DOCK5: variants seen among roughly 807,000 people sequenced by gnomAD.
The protein encoded by DOCK5 is dedicator of cytokinesis protein 5.
Under a neutral mutation model 251.8 loss-of-function variants are expected in DOCK5, and 142 were observed. The observed-to-expected ratio is 0.56, with a 90% CI of 0.49 to 0.65. The LOEUF is 0.65. Ranked by LOEUF, DOCK5 falls within the 30% of genes least tolerant of loss-of-function variation. The probability of loss-of-function intolerance (pLI) is 0.00; values close to 1 mark genes in which losing one functional copy is unlikely to be tolerated. For synonymous variants in DOCK5, 842 were observed against 835.5 expected, an observed-to-expected ratio of 1.01 and a Z score of -0.13; for missense variants, 2,111 against 2,312.3, an observed-to-expected ratio of 0.91 and a Z score of 1.79.
At chr8:25,397,491 T>C (rs965377594) in intron 45 of DOCK5, among the ~76,000 whole-genome samples, 2 of 152,228 alleles carry the variant, frequency 1.3e-5, no homozygotes, top group African/African-American at 2.4e-5. Flanking sequence ...TCTGTAGCCT[T>C]ATTATACTCA....
intron 5 of DOCK5, among the ~76,000 whole-genome samples, chr8:25,282,574 C>G (rs1804223580): frequency 6.6e-6 from 1 of 152,076 alleles, no homozygotes; most frequent in African/African-American, 2.4e-5. Context: ...TTTAAAGACA[C>G]CTGTGGCCAG....
chr8:25,409,201 C>G (rs946310167), intron 50 of DOCK5, among the ~76,000 whole-genome samples: 4 of 152,186 alleles, frequency 2.6e-5, no homozygotes, highest in African/African-American at 4.8e-5. Flanking sequence ...CAGATCTGCA[C>G]TAGGACTAGA....
chr8:25,323,752 A>G, intron 16 of DOCK5, 96 bp from the exon 17 acceptor site: 1 of 1,345,496 alleles, frequency 7.4e-7, no homozygotes, highest in Non-Finnish European at 1.0e-6. Flanking sequence ...AATATGGTTG[A>G]ACGCTGCACC....
intron 1 of DOCK5, among the ~76,000 whole-genome samples, chr8:25,237,138 G>A (rs1802822311): frequency 6.6e-6 from 1 of 152,146 alleles, no homozygotes; most frequent in Admixed American, 6.5e-5. Context: ...AGGCCAAGGT[G>A]GGTGGATCAC....
intron 30 of DOCK5, 75 bp from the exon 31 acceptor site, chr8:25,366,795 G>C (rs939073670): frequency 9.1e-7 from 1 of 1,099,502 alleles, no homozygotes; most frequent in South Asian, 1.4e-5. Flanking sequence ...TTTTTACCAT[G>C]TGACATTGTT....
chr8:25,335,981 A>G (rs571101685), intron 21 of DOCK5, among the ~76,000 whole-genome samples: 3 of 152,346 alleles, frequency 2.0e-5, no homozygotes, highest in African/African-American at 7.2e-5. Flanking sequence ...TTCATTTCAT[A>G]ACCCTCCGGT....
At position 25,321,072 on chromosome 8, in the gene DOCK5, T is replaced by A; in HGVS notation, c.1615+20T>A. ...AGGAAAGTAAGTATTAAGACGTCTA[T>A]GACATATTTCCACTTAAAAAAAATT... On this transcript the variant is annotated intron_variant, in intron 16 of 51. Coordinates refer to ENST00000276440, the MANE Select transcript of DOCK5 (RefSeq NM_024940.8). 1 of 1,608,066 alleles carries A rather than the reference T, an allele frequency of 6.2e-7. No individual in the cohort carries two copies. The highest frequency in any genetic ancestry group is 8.5e-7 in the Non-Finnish European group (1 of 1,176,962).
chr8:25,295,906 A>T (rs1804604828), intron 6 of DOCK5, among the ~76,000 whole-genome samples: 1 of 152,034 alleles, frequency 6.6e-6, no homozygotes. Flanking sequence ...TGCAGCCTCA[A>T]CTTCCTGGGC....
At chr8:25,272,083 C>G (rs962386720) in intron 3 of DOCK5, among the ~76,000 whole-genome samples, 2 of 152,060 alleles carry the variant, frequency 1.3e-5, no homozygotes, top group Non-Finnish European at 2.9e-5. Flanking sequence ...GGCTGGAGTA[C>G]AGTGGCGTGA....
chr8:25,193,091 C>T (rs934968384), intron 1 of DOCK5, among the ~76,000 whole-genome samples: 1 of 152,126 alleles, frequency 6.6e-6, no homozygotes, highest in African/African-American at 2.4e-5. Flanking sequence ...TGTCCATTCT[C>T]ATTATTCATG....
chr8:25,372,629 A>G lies in DOCK5; in HGVS notation c.3595A>G (p.Ser1199Gly). The G allele has an allele frequency of 6.2e-7, 1 of 1,608,752 alleles. No individual in the cohort carries two copies. Among genetic ancestry groups the G allele is most frequent in the East Asian group, 2.2e-5 (1 of 44,680 alleles). The part of the protein sequence containing the change: ...SGEVFALLVS[S>G]LLENLLDYRT... ...GGAGGTCTTCGCCCTCCTGGTCAGC[A>G]GCCTCTTAGAGAACCTGCTGGACTA... The change falls in exon 35 of 52, where the codon AGC becomes GGC. Residue 1199 changes from serine (S) to glycine (G), a missense_variant. Ser to Gly is a moderately conservative substitution (Grantham distance 56). Around this residue, in one of 3 missense-constraint regions of DOCK5, gnomAD observed 1,717 missense variants for 1,892.4 expected, o/e 0.91. Transcript: ENST00000276440.
intron 20 of DOCK5, 116 bp downstream of exon 20, chr8:25,332,808 C>T (rs2117218610): frequency 1.3e-6 from 1 of 765,086 alleles, no homozygotes; most frequent in Middle Eastern, 3.9e-4. Flanking sequence ...GTTTACATCT[C>T]TCTGGTTATT....
chr8:25,264,615 C>CA (rs1278931187), intron 2 of DOCK5, among the ~76,000 whole-genome samples: 6 of 151,748 alleles, frequency 4.0e-5, no homozygotes, highest in African/African-American at 1.5e-4. Flanking sequence ...CAATTGAGGT[C>CA]AGGAGTTCAA....
At chr8:25,359,157 TC>T in intron 28 of DOCK5, 96 bp downstream of exon 28, 1 of 1,030,912 alleles carries the variant, frequency 9.7e-7, no homozygotes, top group Non-Finnish European at 1.5e-6. Context: ...AGGGTTCTCT[TC>T]CCACGCACCT....
chr8:25,221,122 C>G (rs187957288), intron 1 of DOCK5, among the ~76,000 whole-genome samples: 4 of 152,106 alleles, frequency 2.6e-5, no homozygotes, highest in African/African-American at 4.8e-5. Flanking sequence ...TTCAGTCCCC[C>G]CCATTGTTGG....
At chr8:25,362,521 C>T (rs1418430906) in intron 28 of DOCK5, among the ~76,000 whole-genome samples, 2 of 130,902 alleles carry the variant, frequency 1.5e-5, no homozygotes, top group East Asian at 2.4e-4. Context: ...GGCTGGAGTG[C>T]AATGGCACAA....
intron 39 of DOCK5, among the ~76,000 whole-genome samples, chr8:25,382,450 A>C (rs1485041342): frequency 6.6e-6 from 1 of 152,208 alleles, no homozygotes; most frequent in Non-Finnish European, 1.5e-5. Flanking sequence ...ACACTTCAGC[A>C]TACACCCTCA....
rs1315696454 is a variant in DOCK5, at chr8:25,259,233, C to T, written c.128-9612C>T. ...TGTGTGTTTTATACTGATAGAATTCCATGGCCAAGCTCACCTGACCTGAGG... is the reference window on the plus strand; with the variant it reads ...TGTGTGTTTTATACTGATAGAATTCTATGGCCAAGCTCACCTGACCTGAGG... On this transcript the variant is annotated intron_variant, in intron 2 of 51. Transcript: ENST00000276440. Among the ~76,000 whole-genome samples the T allele has an allele frequency of 4.6e-5, 7 of 152,098 alleles. No homozygotes were observed. In the East Asian group the frequency reaches 9.6e-4, roughly 21 times the overall value.
intron 40 of DOCK5, among the ~76,000 whole-genome samples, chr8:25,386,420 C>A (rs549215098): frequency 9.7e-4 from 147 of 152,120 alleles, no homozygotes; most frequent in African/African-American, 3.2e-3. Flanking sequence ...CATAGCATGA[C>A]CCCGTCTCTA....
Sources: allele counts gnomAD v4.1 joint callset (sites outside exome capture counted in the v4.1 genomes callset), GRCh38; gene constraint gnomAD v4.1.1; regional missense constraint gnomAD v4.1.1; transcripts MANE v1.5; gene names NCBI Gene and HGNC (gene_info 2026-07-23, HGNC 2026-07-21).